Variants in MARCHF1 observed in about 807,000 individuals in gnomAD.
MARCHF1 encodes the protein E3 ubiquitin-protein ligase MARCHF1.
MARCHF1 carries 40 observed loss-of-function variants against 54.2 expected under a neutral mutation model. The observed-to-expected ratio is 0.74, with a 90% CI of 0.57 to 0.96. MARCHF1 has a LOEUF of 0.96. Among genes scored for constraint, MARCHF1 ranks in the 40% least tolerant of loss-of-function variants. MARCHF1 has a pLI of 0.00. For synonymous variants in MARCHF1, 236 were observed against 236.3 expected (o/e 1.00, Z 0.01); for missense variants, 586 against 656.5 (o/e 0.89, Z 1.17).
chr4:163,595,281 G>A (rs1740725600), intron 7 of MARCHF1, among the ~76,000 whole-genome samples: 1 of 151,820 alleles, frequency 6.6e-6, no homozygotes, highest in African/African-American at 2.4e-5. Context: ...GGAGGCCAAG[G>A]CAGAAGGACT....
intron 1 of MARCHF1, among the ~76,000 whole-genome samples, chr4:164,219,769 T>C (rs1461441121): frequency 1.3e-5 from 2 of 151,942 alleles, no homozygotes; most frequent in Non-Finnish European, 2.9e-5. Flanking sequence ...TTAAAACTTA[T>C]AAAAAGGACG....
chr4:163,738,272 A>G (rs1024118232), intron 4 of MARCHF1, among the ~76,000 whole-genome samples: 3 of 152,192 alleles, frequency 2.0e-5, no homozygotes, highest in Non-Finnish European at 4.4e-5. Context: ...TTCTCAGTTT[A>G]TGGTGGAAGT....
intron 5 of MARCHF1, among the ~76,000 whole-genome samples, chr4:163,668,673 C>T (rs530639914): frequency 4.4e-4 from 67 of 152,186 alleles, no homozygotes; most frequent in African/African-American, 1.5e-3. Flanking sequence ...GGTGGTGAGA[C>T]TAGAGCAGGC....
At chr4:163,637,117 G>GTTAGA (rs1742360874) in intron 5 of MARCHF1, among the ~76,000 whole-genome samples, 1 of 149,620 alleles carries the variant, frequency 6.7e-6, no homozygotes, top group South Asian at 2.1e-4. Flanking sequence ...AAAGACTTAA[G>GTTAGA]CGTTAGACCT....
intron 4 of MARCHF1, among the ~76,000 whole-genome samples, chr4:163,835,241 A>T (rs1345820633): frequency 6.6e-6 from 1 of 152,070 alleles, no homozygotes; most frequent in Non-Finnish European, 1.5e-5. Context: ...AACTACCAGG[A>T]TAGCATTCTT....
chr4:164,350,594 A>G (rs1278415679), intron 1 of MARCHF1, among the ~76,000 whole-genome samples: 1 of 152,230 alleles, frequency 6.6e-6, no homozygotes, highest in African/African-American at 2.4e-5. Flanking sequence ...TACACGTATC[A>G]AAATATCACT....
At chr4:164,345,997 C>T (rs1004875298) in intron 1 of MARCHF1, among the ~76,000 whole-genome samples, 1 of 152,094 alleles carries the variant, frequency 6.6e-6, no homozygotes, top group Non-Finnish European at 1.5e-5. Flanking sequence ...CAGGCTTTTA[C>T]ATAAAGTTCA....
At chr4:163,683,332 T>C (rs927994515) in intron 5 of MARCHF1, among the ~76,000 whole-genome samples, 2 of 152,140 alleles carry the variant, frequency 1.3e-5, no homozygotes, top group African/African-American at 4.8e-5. Flanking sequence ...CCATCAGATC[T>C]TGTGAGACAT....
At chr4:164,120,096 T>C (rs887464351) in intron 1 of MARCHF1, among the ~76,000 whole-genome samples, 3 of 124,784 alleles carry the variant, frequency 2.4e-5, no homozygotes, top group African/African-American at 5.1e-5. Flanking sequence ...TAAAATATTA[T>C]CAAATAGAAC....
At chr4:163,537,523 G>C (rs1402954045) in intron 9 of MARCHF1, among the ~76,000 whole-genome samples, 1 of 152,096 alleles carries the variant, frequency 6.6e-6, no homozygotes, top group African/African-American at 2.4e-5. Flanking sequence ...TCTAACTTAG[G>C]CAATTCAAGC....
intron 4 of MARCHF1, among the ~76,000 whole-genome samples, chr4:163,786,527 A>AT (rs1450887777): frequency 6.6e-6 from 1 of 152,042 alleles, no homozygotes; most frequent in Non-Finnish European, 1.5e-5. Flanking sequence ...GTAATAAGAC[A>AT]TTATAGTAAA....
intron 3 of MARCHF1, among the ~76,000 whole-genome samples, chr4:163,886,313 A>C (rs1357085175): frequency 9.5e-6 from 1 of 105,420 alleles, no homozygotes; most frequent in Admixed American, 8.7e-5. Flanking sequence ...ACATAGATAG[A>C]TAGATAGATA....
At chr4:164,088,910 G>T (rs1488840081) in intron 2 of MARCHF1, among the ~76,000 whole-genome samples, 1 of 152,120 alleles carries the variant, frequency 6.6e-6, no homozygotes, top group African/African-American at 2.4e-5. Flanking sequence ...AGAGATACAT[G>T]CTAAAATTGA....
chr4:163,633,180 T>A (rs181465731), intron 5 of MARCHF1, among the ~76,000 whole-genome samples: 1,902 of 152,124 alleles, frequency 0.013, 127 homozygotes, highest in Admixed American at 0.11. Flanking sequence ...ACTCTAAAAA[T>A]CAGAGCGCCT....
At chr4:163,986,403 C>T (rs189932693) in intron 3 of MARCHF1, among the ~76,000 whole-genome samples, 4 of 151,252 alleles carry the variant, frequency 2.6e-5, no homozygotes, top group Admixed American at 6.6e-5. Context: ...TAGCTGGGAC[C>T]ACAGGTGCCC....
intron 3 of MARCHF1, among the ~76,000 whole-genome samples, chr4:163,891,935 A>G (rs1196972330): frequency 6.6e-6 from 1 of 152,184 alleles, no homozygotes; most frequent in Non-Finnish European, 1.5e-5. Flanking sequence ...CACAATCATC[A>G]ACTAATATAT....
intron 2 of MARCHF1, among the ~76,000 whole-genome samples, chr4:164,003,922 G>T (rs1430270491): frequency 6.6e-6 from 1 of 152,060 alleles, no homozygotes; most frequent in Non-Finnish European, 1.5e-5. Flanking sequence ...TGAAGAAAAC[G>T]TGGTATATAT....
intron 5 of MARCHF1, among the ~76,000 whole-genome samples, chr4:163,617,438 C>T (rs1433105852): frequency 3.3e-5 from 5 of 151,968 alleles, no homozygotes; most frequent in Admixed American, 6.6e-5. Context: ...GGTAATTACC[C>T]GATTTGATCA....
chr4:164,351,118 C>A (rs891372586), intron 1 of MARCHF1, among the ~76,000 whole-genome samples: 1 of 152,206 alleles, frequency 6.6e-6, no homozygotes, highest in Admixed American at 6.5e-5. Flanking sequence ...TCCTACCCCA[C>A]GGAATCTCGC....
Sources: allele counts gnomAD v4.1 joint callset (sites outside exome capture counted in the v4.1 genomes callset), GRCh38; gene constraint gnomAD v4.1.1; transcripts MANE v1.5; gene names NCBI Gene and HGNC (gene_info 2026-07-23, HGNC 2026-07-21).